The following FMN1 variants were observed in gnomAD, a reference collection of about 807,000 sequenced individuals.
The protein encoded by FMN1 is formin-1.
FMN1 carries 110 observed loss-of-function variants against 132.4 expected under a neutral mutation model. The observed-to-expected ratio is 0.83, with a 90% CI of 0.71 to 0.97. The LOEUF is 0.97. Among genes scored for constraint, FMN1 ranks in the 50% least tolerant of loss-of-function variants. The pLI is 0.00. For missense variants in FMN1, 1,792 were observed against 1,705.3 expected (o/e 1.05, Z -0.90); for synonymous variants, 722 against 651.7 (o/e 1.11, Z -1.64).
At chr15:33,148,442 C>A (rs1964314084) in intron 4 of FMN1, among the ~76,000 whole-genome samples, 1 of 152,198 alleles carries the variant, frequency 6.6e-6, no homozygotes, top group Non-Finnish European at 1.5e-5. Context: ...TCTCAACCTG[C>A]TCTTGGCCCT....
chr15:32,807,991 A>C (rs923406956), intron 17 of FMN1, among the ~76,000 whole-genome samples: 1 of 152,236 alleles, frequency 6.6e-6, no homozygotes, highest in Non-Finnish European at 1.5e-5. Flanking sequence ...GCTCTAAGCA[A>C]AACACAAATA....
intron 7 of FMN1, among the ~76,000 whole-genome samples, chr15:33,000,962 G>A (rs78285274): frequency 0.011 from 1,686 of 152,254 alleles, 27 homozygotes; most frequent in African/African-American, 0.039. Flanking sequence ...AGTACAGCAG[G>A]AAGATCACAG....
chr15:32,843,417 T>A (rs1420887701), intron 17 of FMN1, among the ~76,000 whole-genome samples: 1 of 152,190 alleles, frequency 6.6e-6, no homozygotes, highest in Non-Finnish European at 1.5e-5. Flanking sequence ...AGAGGAAGCT[T>A]AAGTTAAAGA....
chr15:32,979,346 G>A (rs1239553505), intron 7 of FMN1, among the ~76,000 whole-genome samples: 1 of 152,040 alleles, frequency 6.6e-6, no homozygotes, highest in Non-Finnish European at 1.5e-5. Context: ...ACGAGGTCAG[G>A]AGATCGAGAC....
intron 20 of FMN1, among the ~76,000 whole-genome samples, chr15:32,774,772 C>G (rs1353638546): frequency 9.1e-6 from 1 of 109,812 alleles, no homozygotes; most frequent in Admixed American, 8.6e-5. Context: ...TTCCAATGAT[C>G]AACTTGGCAG....
chr15:33,013,538 T>G (rs1250922731), intron 6 of FMN1, among the ~76,000 whole-genome samples: 2 of 152,196 alleles, frequency 1.3e-5, no homozygotes. Flanking sequence ...AAATGAAAAA[T>G]TATTCTTTAA....
At chr15:32,976,618 C>A (rs1173079067) in intron 7 of FMN1, among the ~76,000 whole-genome samples, 1 of 152,118 alleles carries the variant, frequency 6.6e-6, no homozygotes, top group Non-Finnish European at 1.5e-5. Flanking sequence ...CATCAAGTTA[C>A]AACCAAAAGG....
chr15:33,153,802 G>T lies in FMN1; in HGVS notation c.1113C>A (p.Leu371=), dbSNP rs1344462080. 1 of 1,536,368 alleles carries T rather than the reference G, an allele frequency of 6.5e-7. No homozygotes were observed. The highest frequency in any genetic ancestry group is 1.4e-5 in the African/African-American group (1 of 73,182). The change falls in exon 4 of 21, where the codon CTC becomes CTA. Residue 371 remains leucine, a synonymous_variant. Transcript: ENST00000616417. ...HAEFVPKADL[L]TLPGAEAGAH... ...CCCCAGCCTCAGCTCCCGGGAGGGT[G>T]AGCAAGTCGGCTTTGGGTACAAACT...
chr15:33,067,548 C>T lies in FMN1; in HGVS notation c.2044-2474G>A, dbSNP rs777635182. The T allele has an allele frequency of 7.4e-6, 12 of 1,613,826 alleles. No homozygotes were observed. The African/African-American group carries it at 1.6e-4, about 22-fold the overall frequency. On this transcript the variant is annotated intron_variant, in intron 5 of 20. Transcript: ENST00000616417. ...AGCTCTTGAGCAAGGAGAGATGTCCCTGCTTCTTTTCTCTGACTTCCCTCT... is the reference window on the plus strand; with the variant it reads ...AGCTCTTGAGCAAGGAGAGATGTCCTTGCTTCTTTTCTCTGACTTCCCTCT...
chr15:32,959,957 A>G (rs745330271), intron 9 of FMN1, among the ~76,000 whole-genome samples: 1 of 152,210 alleles, frequency 6.6e-6, no homozygotes, highest in Admixed American at 6.5e-5. Flanking sequence ...AGTTCAGGCA[A>G]GCCTTCCTGA....
intron 6 of FMN1, among the ~76,000 whole-genome samples, chr15:33,021,449 A>C (rs2035411816): frequency 6.6e-6 from 1 of 151,602 alleles, no homozygotes; most frequent in African/African-American, 2.4e-5. Context: ...CTATGCATAC[A>C]CACACACACA....
At chr15:32,894,525 A>T (rs915110565) in intron 15 of FMN1, among the ~76,000 whole-genome samples, 10 of 152,026 alleles carry the variant, frequency 6.6e-5, no homozygotes, top group Admixed American at 6.6e-4. Flanking sequence ...TGAATTCTGA[A>T]CCTCAAAAAC....
rs577297157 is a variant in FMN1, at chr15:32,890,965, A to C, written c.3715-2673T>G. Among the ~76,000 whole-genome samples the C allele has an allele frequency of 1.4e-4, 21 of 152,278 alleles. No homozygotes were observed. The South Asian group carries it at 3.9e-3, about 29-fold the overall frequency. ...TCATTCTCCTACATGTGGCTAGCCA[A>C]TTATCCCAGCACCATTTGTTGAAAA... On this transcript the variant is annotated intron_variant, in intron 15 of 20. Transcript: ENST00000616417.
chr15:33,051,097 G>A (rs1364077719), intron 6 of FMN1, among the ~76,000 whole-genome samples: 1 of 152,144 alleles, frequency 6.6e-6, no homozygotes, highest in South Asian at 2.1e-4. Flanking sequence ...CTTTAAGAAG[G>A]CAGAGGGATC....
rs141168996 is a variant in FMN1 at position 33,023,741 on chromosome 15, A to C, written c.2162-15666T>G. ...ACAGTGATAGAAAAAAATACCAAAA[A>C]ATAGAGTACAAAAGGAAGCATATAA... On this transcript the variant is annotated intron_variant, in intron 6 of 20. Transcript: ENST00000616417. Among the ~76,000 whole-genome samples the C allele has an allele frequency of 1.4e-3, 214 of 152,322 alleles. 3 individuals carry two copies. The East Asian group carries it at 0.038, about 27-fold the overall frequency.
chr15:32,919,606 T>C (rs1339072881), intron 10 of FMN1, among the ~76,000 whole-genome samples: 2 of 152,236 alleles, frequency 1.3e-5, no homozygotes, highest in Non-Finnish European at 2.9e-5. Flanking sequence ...ATATTAGTTA[T>C]GTCCTACACT....
At chr15:33,067,097 T>C (rs1217475841) in intron 5 of FMN1, 8 of 1,613,866 alleles carry the variant, frequency 5.0e-6, no homozygotes, top group Non-Finnish European at 6.8e-6. Context: ...AGAGACTTCT[T>C]TTTTAGAAGA....
intron 7 of FMN1, among the ~76,000 whole-genome samples, chr15:32,969,812 G>A (rs116824943): frequency 1.8e-3 from 279 of 152,240 alleles, no homozygotes; most frequent in African/African-American, 6.6e-3. Context: ...TTTTGGACAT[G>A]CTTGAATATC....
At chr15:32,875,143 G>A (rs2059608369) in intron 16 of FMN1, among the ~76,000 whole-genome samples, 1 of 152,326 alleles carries the variant, frequency 6.6e-6, no homozygotes, top group African/African-American at 2.4e-5. Context: ...ATGGCCAAGG[G>A]TGTCTTAGCC....
Sources: allele counts gnomAD v4.1 joint callset (sites outside exome capture counted in the v4.1 genomes callset), GRCh38; gene constraint gnomAD v4.1.1; transcripts MANE v1.5; gene names NCBI Gene and HGNC (gene_info 2026-07-23, HGNC 2026-07-21).